Variants in TMTC3 observed in about 807,000 individuals in gnomAD.
The protein encoded by TMTC3 is transmembrane O-mannosyltransferase targeting cadherins 3.
A neutral mutation model predicts 92.2 loss-of-function variants in TMTC3; 52 were observed. The ratio of observed to expected loss-of-function variants is 0.56; its 90% CI spans 0.45 to 0.71. TMTC3 has a LOEUF of 0.71. Ranked by LOEUF, TMTC3 falls within the 30% of genes least tolerant of loss-of-function variation. TMTC3 has a pLI of 0.00. For missense variants in TMTC3, 896 were observed against 1,057.1 expected (o/e 0.85, Z 2.11); for synonymous variants, 339 against 363.3 (o/e 0.93, Z 0.76).
chr12:88,148,185 T>A, intron 1 of TMTC3, 103 bp from the exon 2 acceptor site: 1 of 700,310 alleles, frequency 1.4e-6, no homozygotes, highest in Non-Finnish European at 2.4e-6. Flanking sequence ...TTAGCTGCGC[T>A]TTTCTCTGGA....
At chr12:88,166,193 G>T (rs2041140981) in intron 6 of TMTC3, 137 bp from the exon 7 acceptor site, 1 of 812,346 alleles carries the variant, frequency 1.2e-6, no homozygotes, top group South Asian at 2.0e-5. Context: ...AGAGTCTGAG[G>T]TACACATAAC....
intron 10 of TMTC3, among the ~76,000 whole-genome samples, chr12:88,187,277 C>T (rs891730842): frequency 6.6e-6 from 1 of 151,862 alleles, no homozygotes; most frequent in African/African-American, 2.4e-5. Flanking sequence ...ATAATGCAAG[C>T]AAATACCCTG....
At chr12:88,171,971 C>A (rs1019302697) in intron 7 of TMTC3, among the ~76,000 whole-genome samples, 1 of 151,976 alleles carries the variant, frequency 6.6e-6, no homozygotes, top group African/African-American at 2.4e-5. Flanking sequence ...CATTTATATA[C>A]TTGATGGCCA....
At position 88,159,918 on chromosome 12, in the gene TMTC3, A is replaced by C. The variant is rs6538130; in HGVS notation, c.509-196A>C. Among the ~76,000 whole-genome samples the C allele has an allele frequency of 0.069, 10,533 of 152,142 alleles. 1,237 individuals carry two copies. Among genetic ancestry groups the C allele is most frequent in the African/African-American group, 0.24 (10,009 of 41,444 alleles). On this transcript the variant is annotated intron_variant, in intron 4 of 13. Transcript: ENST00000266712. ...TTCTCTTTGTAAAAAATTTCAGTTC[A>C]AATTATACATGTTGATATTTTGCTT...
Position 88,195,555 on chromosome 12 carries a change from A to C in TMTC3, c.2651A>C (p.His884Pro), listed in dbSNP as rs1413323975. 23 of 1,612,928 alleles carry C rather than the reference A, an allele frequency of 1.4e-5. No homozygotes were observed. The highest frequency in any genetic ancestry group is 1.9e-5 in the Non-Finnish European group (23 of 1,179,714). The change falls in exon 14 of 14, where the codon CAC (histidine) becomes CCC (proline). Residue 884 changes from histidine (H) to proline (P), a missense_variant. Transcript: ENST00000266712. ...AAAAATGGAGACGAAGAGACACCCC[A>C]CAAAACAACAAAAGACATCAAAGAA... is the stretch of plus-strand genomic sequence containing the variant. ...LGKNGDEETP[H>P]KTTKDIKEIE...
chr12:88,193,472 T>C (rs1426778285), intron 13 of TMTC3, among the ~76,000 whole-genome samples: 3 of 152,106 alleles, frequency 2.0e-5, no homozygotes, highest in Non-Finnish European at 4.4e-5. Context: ...AAATCTATTA[T>C]AATGTTTAGT....
Position 88,192,756 on chromosome 12 carries a change from T to G in TMTC3, c.1859T>G (p.Phe620Cys). The change falls in exon 13 of 14, where the codon TTT (phenylalanine) becomes TGT (cysteine). Residue 620 changes from phenylalanine (F) to cysteine (C), a missense_variant. By Grantham distance (205) the Phe-to-Cys change is radical (BLOSUM62 -2). Transcript: ENST00000266712. ...LKEPNEALKN[F>C]NRALELNPKH... ...GAACCAAATGAAGCCCTAAAAAACT[T>G]TAATCGTGCTCTGGAACTAAATCCA... 6.2e-7 allele frequency: 1 copy of G among 1,613,450 alleles called. No homozygotes were observed. Among genetic ancestry groups the G allele is most frequent in the South Asian group, 1.1e-5 (1 of 91,072 alleles).
intron 4 of TMTC3, among the ~76,000 whole-genome samples, chr12:88,157,389 A>G (rs766155744): frequency 6.6e-6 from 1 of 151,656 alleles, no homozygotes; most frequent in Non-Finnish European, 1.5e-5. Flanking sequence ...TTTAACTTCT[A>G]TATTCATGTC....
intron 2 of TMTC3, among the ~76,000 whole-genome samples, chr12:88,151,486 G>T (rs1003340549): frequency 1.3e-5 from 2 of 152,008 alleles, no homozygotes; most frequent in African/African-American, 4.8e-5. Context: ...AATGGCCCTA[G>T]GTGTTTTCAC....
chr12:88,145,229 G>A lies in TMTC3; in HGVS notation c.-29+2742G>A, dbSNP rs2040858313. 2.0e-5 allele frequency among the ~76,000 whole-genome samples: 3 copies of A among 151,986 alleles called. No individual in the cohort carries two copies. In the South Asian group the frequency reaches 6.2e-4, roughly 32 times the overall value. On this transcript the variant is annotated intron_variant, in intron 1 of 13. Coordinates refer to ENST00000266712, the MANE Select transcript of TMTC3 (RefSeq NM_181783.4). ...TTGTGTGTCCTAAACATTTTGTTTT[G>A]CCTTATCTTCATGGCAAATTAAGCC...
At chr12:88,183,750 T>C (rs1032201273) in intron 10 of TMTC3, among the ~76,000 whole-genome samples, 3 of 152,146 alleles carry the variant, frequency 2.0e-5, no homozygotes, top group African/African-American at 7.2e-5. Flanking sequence ...TAGCATACCT[T>C]CTTCTGGGAA....
In TMTC3 at chr12:88,198,287, C is replaced by G; in HGVS notation, c.*2638C>G. The G allele has an allele frequency of 2.5e-6, 1 of 397,378 alleles. No homozygotes were observed. The highest frequency in any genetic ancestry group is 4.4e-5 in the Admixed American group (1 of 22,620). The allele number at this position is 397,378 out of a possible 1,614,324, so 24.6% of individuals were successfully genotyped here. ...AAGGTCAGTTCACTAACCTATGGTT[C>G]AGAGTTCTGATCATATGGAAGTTTG... is the stretch of plus-strand genomic sequence containing the variant. On this transcript the variant is annotated 3_prime_UTR_variant, in exon 14 of 14. Transcript: ENST00000266712.
At position 88,195,162 on chromosome 12, in the gene TMTC3, T is replaced by C. The variant is rs373793403; in HGVS notation, c.2258T>C (p.Ile753Thr). ...ATTCTGATGAATCAAAAGAAAGATA[T>C]ACTAGGAGCAAAAAAATGTTTTGAA... is the stretch of plus-strand genomic sequence containing the variant. ...GDILMNQKKDILGAKKCFERI... is the reference protein window; with the variant it reads ...GDILMNQKKDTLGAKKCFERI... The change falls in exon 14 of 14, where the codon ATA (isoleucine) becomes ACA (threonine). Residue 753 changes from isoleucine to threonine, a missense_variant. Coordinates refer to ENST00000266712, the MANE Select transcript of TMTC3 (RefSeq NM_181783.4). The C allele has an allele frequency of 2.5e-6, 4 of 1,613,676 alleles. No individual in the cohort carries two copies. The highest frequency in any genetic ancestry group is 3.3e-5 in the Admixed American group (2 of 59,904).
At chr12:88,167,311 C>G (rs1007653081) in intron 7 of TMTC3, among the ~76,000 whole-genome samples, 1 of 151,848 alleles carries the variant, frequency 6.6e-6, no homozygotes, top group African/African-American at 2.4e-5. Flanking sequence ...GGCGGAGGCA[C>G]AAGAATCACT....
Position 88,172,734 on chromosome 12 carries a change from A to G in TMTC3, c.1188A>G (p.Ile396Met), listed in dbSNP as rs1488451142. 3 of 1,597,274 alleles carry G rather than the reference A, an allele frequency of 1.9e-6. No homozygotes were observed. Among genetic ancestry groups the G allele is most frequent in the Non-Finnish European group, 2.6e-6 (3 of 1,174,356 alleles). Residue 396 changes from isoleucine to methionine, a missense_variant, in exon 8 of 14, where the codon ATA becomes ATG. By Grantham distance (10) the Ile-to-Met change is conservative. Coordinates refer to ENST00000266712, the MANE Select transcript of TMTC3 (RefSeq NM_181783.4). ...TGGTAGCCCATGGATGGCAGAAAAT[A>G]TCAACAAAAAGGTGAATTTAAATGT... is the stretch of plus-strand genomic sequence containing the variant. Reference protein sequence around the residue: ...CILVAHGWQKISTKSVFKKLS... With the variant: ...CILVAHGWQKMSTKSVFKKLS...
At chr12:88,156,815 T>TTG (rs1371497097) in intron 4 of TMTC3, among the ~76,000 whole-genome samples, 5 of 150,654 alleles carry the variant, frequency 3.3e-5, no homozygotes, top group South Asian at 2.1e-4. Context: ...GTGTGTGTTT[T>TTG]TTTTTTTTTT....
At chr12:88,182,900 A>G (rs2041333964) in intron 10 of TMTC3, among the ~76,000 whole-genome samples, 1 of 152,180 alleles carries the variant, frequency 6.6e-6, no homozygotes, top group African/African-American at 2.4e-5. Flanking sequence ...GGAATAGTAC[A>G]AAAACAGTCC....
intron 10 of TMTC3, among the ~76,000 whole-genome samples, chr12:88,180,514 C>A (rs181542796): frequency 6.6e-5 from 10 of 152,312 alleles, no homozygotes; most frequent in Admixed American, 6.5e-4. Context: ...CAACAGAAAG[C>A]ATAGTAAGGA....
chr12:88,198,185 G>A lies in TMTC3; in HGVS notation c.*2536G>A, dbSNP rs535125800. 2 of 395,242 alleles carry A rather than the reference G, an allele frequency of 5.1e-6. No individual in the cohort carries two copies. The highest frequency in any genetic ancestry group is 4.1e-5 in the African/African-American group (2 of 48,572). 24.5% of individuals were successfully genotyped at this position (395,242 alleles called of 1,614,324 possible). On this transcript the variant is annotated 3_prime_UTR_variant, in exon 14 of 14. Coordinates refer to ENST00000266712, the MANE Select transcript of TMTC3 (RefSeq NM_181783.4). ...TAGATATTTCATTCAAACTGTTCAGGTGAGAAAACATAATGGATTTTTTTT... is the reference window on the plus strand; with the variant it reads ...TAGATATTTCATTCAAACTGTTCAGATGAGAAAACATAATGGATTTTTTTT...
Sources: allele counts gnomAD v4.1 joint callset (sites outside exome capture counted in the v4.1 genomes callset), GRCh38; gene constraint gnomAD v4.1.1; transcripts MANE v1.5; gene names NCBI Gene and HGNC (gene_info 2026-07-23, HGNC 2026-07-21).